Variants in DNAJC1 observed in about 807,000 individuals in gnomAD.
The protein encoded by DNAJC1 is DnaJ heat shock protein family (Hsp40) member C1, also known as dnaJ homolog subfamily C member 1.
In DNAJC1, 58 loss-of-function variants were observed where a neutral mutation model predicts 76.6. The ratio of observed to expected loss-of-function variants is 0.76; its 90% CI spans 0.61 to 0.94. The LOEUF (loss-of-function observed/expected upper bound fraction) is 0.94. DNAJC1 is among the 40% of genes least tolerant of loss of function. DNAJC1 has a pLI of 0.00. For missense variants in DNAJC1, 689 were observed against 677.3 expected (o/e 1.02, Z -0.19); for synonymous variants, 258 against 267.9 (o/e 0.96, Z 0.36).
At chr10:21,962,406 T>C (rs1046354955) in intron 1 of DNAJC1, among the ~76,000 whole-genome samples, 2 of 147,544 alleles carry the variant, frequency 1.4e-5, no homozygotes, top group Non-Finnish European at 3.0e-5. Context: ...TACTCTAAAC[T>C]CTAAATTCTA....
chr10:21,933,809 TCA>T (rs1255102270), intron 1 of DNAJC1, among the ~76,000 whole-genome samples: 3 of 152,190 alleles, frequency 2.0e-5, no homozygotes, highest in African/African-American at 7.2e-5. Flanking sequence ...CTTCCTAATG[TCA>T]CAGTGCAATG....
intron 8 of DNAJC1, among the ~76,000 whole-genome samples, chr10:21,851,899 A>G (rs1835760993): frequency 1.3e-5 from 2 of 151,820 alleles, no homozygotes; most frequent in South Asian, 2.1e-4. Flanking sequence ...CTAAAAATAC[A>G]AAAAATTAGC....
intron 9 of DNAJC1, among the ~76,000 whole-genome samples, chr10:21,783,209 G>T (rs1834556149): frequency 1.3e-5 from 2 of 152,194 alleles, no homozygotes; most frequent in Admixed American, 1.3e-4. Context: ...AAAGTCTCAG[G>T]ATACAAAATC....
chr10:21,893,915 G>T (rs1287617128), intron 7 of DNAJC1, among the ~76,000 whole-genome samples: 1 of 151,862 alleles, frequency 6.6e-6, no homozygotes, highest in South Asian at 2.1e-4. Context: ...AACAACTGGC[G>T]AATCTGACAA....
chr10:21,828,609 A>C (rs1835303105), intron 8 of DNAJC1, among the ~76,000 whole-genome samples: 1 of 152,214 alleles, frequency 6.6e-6, no homozygotes, highest in Non-Finnish European at 1.5e-5. Context: ...ATAAATCCTC[A>C]TGTACCCATC....
intron 9 of DNAJC1, among the ~76,000 whole-genome samples, chr10:21,787,309 CAG>C (rs1215973447): frequency 2.7e-5 from 4 of 150,754 alleles, no homozygotes; most frequent in Non-Finnish European, 5.9e-5. Flanking sequence ...GCCTGGGCAA[CAG>C]AGTGAGATTC....
At position 21,928,543 on chromosome 10, in the gene DNAJC1, T is replaced by C. The variant is rs1179074514; in HGVS notation, c.334A>G (p.Ile112Val). ...AETQFRQLVA[I>V]YEVLKDDERR... ...TCATCATCCTTTAAAACTTCATAAA[T>C]GGCCACCAACTAAAATAAAAGCATT... is the stretch of plus-strand genomic sequence containing the variant. Residue 112 changes from isoleucine (I) to valine (V), a missense_variant, in exon 3 of 12, where the codon ATT (isoleucine) becomes GTT (valine). Physicochemically the swap from Ile to Val is conservative, Grantham distance 29. Coordinates refer to ENST00000376980, the MANE Select transcript of DNAJC1 (RefSeq NM_022365.4). 3.1e-6 allele frequency: 5 copies of C among 1,612,498 alleles called. No individual in the cohort carries two copies. In the East Asian group the frequency reaches 1.1e-4, roughly 36 times the overall value.
At chr10:21,953,535 T>C (rs1837630038) in intron 1 of DNAJC1, among the ~76,000 whole-genome samples, 2 of 151,976 alleles carry the variant, frequency 1.3e-5, no homozygotes, top group East Asian at 3.9e-4. Flanking sequence ...AAATCCATTC[T>C]GGATTTAATA....
intron 8 of DNAJC1, among the ~76,000 whole-genome samples, chr10:21,851,119 A>G (rs1835744959): frequency 6.6e-6 from 1 of 152,234 alleles, no homozygotes; most frequent in Non-Finnish European, 1.5e-5. Context: ...TCTTAGTCCA[A>G]ACAACAAAAA....
At chr10:21,901,291 G>T (rs973892394) in intron 7 of DNAJC1, among the ~76,000 whole-genome samples, 1 of 152,084 alleles carries the variant, frequency 6.6e-6, no homozygotes, top group Non-Finnish European at 1.5e-5. Context: ...TCCTTTCCTT[G>T]TCTATTCAAA....
intron 9 of DNAJC1, among the ~76,000 whole-genome samples, chr10:21,803,336 G>A (rs1834834635): frequency 6.6e-6 from 1 of 152,112 alleles, no homozygotes; most frequent in African/African-American, 2.4e-5. Context: ...TCAGTATGCA[G>A]AGGTTCTGAT....
chr10:21,833,965 T>G lies in DNAJC1; in HGVS notation c.979-27866A>C, dbSNP rs372665176. Among the ~76,000 whole-genome samples, 18 of 152,144 alleles carry G rather than the reference T, an allele frequency of 1.2e-4. No homozygotes were observed. In the South Asian group the frequency reaches 3.7e-3, roughly 32 times the overall value. ...TAAGTTTGTAAAAAAAAATACTTTA[T>G]GAAAGAGGGGTTCCCCAGGCCAGGT... On this transcript the variant is annotated intron_variant, in intron 8 of 11. Coordinates refer to ENST00000376980, the MANE Select transcript of DNAJC1 (RefSeq NM_022365.4).
At chr10:21,972,038 G>A (rs1288288916) in intron 1 of DNAJC1, among the ~76,000 whole-genome samples, 1 of 151,932 alleles carries the variant, frequency 6.6e-6, no homozygotes, top group Non-Finnish European at 1.5e-5. Context: ...ACATTCTACT[G>A]TAGTGGTTTA....
intron 8 of DNAJC1, among the ~76,000 whole-genome samples, chr10:21,836,802 A>G (rs1436857564): frequency 1.3e-5 from 2 of 152,198 alleles, no homozygotes; most frequent in Non-Finnish European, 2.9e-5. Flanking sequence ...TATGCACCCG[A>G]TACAGGAGCA....
intron 8 of DNAJC1, among the ~76,000 whole-genome samples, chr10:21,881,895 C>T (rs1377767893): frequency 6.7e-6 from 1 of 149,678 alleles, no homozygotes; most frequent in Non-Finnish European, 1.5e-5. Flanking sequence ...TGGCTCACAC[C>T]TGTAATCCCA....
At chr10:21,999,749 G>A (rs750043984) in intron 1 of DNAJC1, among the ~76,000 whole-genome samples, 32 of 151,992 alleles carry the variant, frequency 2.1e-4, no homozygotes, top group African/African-American at 6.0e-4. Context: ...CACCACACCC[G>A]GCTCCTTGAC....
chr10:21,760,138 C>G (rs1834224470), intron 10 of DNAJC1, among the ~76,000 whole-genome samples: 1 of 152,102 alleles, frequency 6.6e-6, no homozygotes. Flanking sequence ...AGTTTATTAG[C>G]TGGGCCTGGT....
chr10:21,808,075 T>C (rs1030587932), intron 8 of DNAJC1, among the ~76,000 whole-genome samples: 3 of 152,148 alleles, frequency 2.0e-5, no homozygotes, highest in African/African-American at 7.2e-5. Context: ...TAAAAGATCA[T>C]GTCATGAAGA....
At chr10:21,953,509 A>T (rs905931183) in intron 1 of DNAJC1, among the ~76,000 whole-genome samples, 2 of 151,950 alleles carry the variant, frequency 1.3e-5, no homozygotes, top group Non-Finnish European at 2.9e-5. Flanking sequence ...ATTCACCCTT[A>T]AATATTATTT....
Sources: allele counts gnomAD v4.1 joint callset (sites outside exome capture counted in the v4.1 genomes callset), GRCh38; gene constraint gnomAD v4.1.1; transcripts MANE v1.5; gene names NCBI Gene and HGNC (gene_info 2026-07-23, HGNC 2026-07-21).